COBL: variants seen among roughly 807,000 people sequenced by gnomAD.
The protein encoded by COBL is cordon-bleu WH2 repeat protein, also known as protein cordon-bleu.
In COBL, 51 loss-of-function variants were observed where a neutral mutation model predicts 98.8. The observed-to-expected ratio is 0.52, with a 90% CI of 0.41 to 0.65. The LOEUF (loss-of-function observed/expected upper bound fraction) is 0.65, where lower values mean the gene tolerates loss of function less well. Ranked by LOEUF, COBL falls within the 30% of genes least tolerant of loss-of-function variation. COBL has a pLI of 0.00. For missense variants in COBL, 1,617 were observed against 1,617.5 expected (o/e 1.00, Z 0.01); for synonymous variants, 634 against 651.7 (o/e 0.97, Z 0.41).
chr7:51,161,799 T>A (rs1350550815), intron 5 of COBL, among the ~76,000 whole-genome samples: 1 of 152,130 alleles, frequency 6.6e-6, no homozygotes, highest in Non-Finnish European at 1.5e-5. Flanking sequence ...GCAGGGCCCA[T>A]AAAAGGCCAG....
At chr7:51,175,972 T>C (rs2129046758) in intron 5 of COBL, among the ~76,000 whole-genome samples, 1 of 152,340 alleles carries the variant, frequency 6.6e-6, no homozygotes, top group East Asian at 1.9e-4. Context: ...TGTTTTCCTG[T>C]CTTTCCCACT....
At position 51,030,907 on chromosome 7, in the gene COBL, G is replaced by T. The variant is rs778186463; in HGVS notation, c.1409C>A (p.Thr470Asn). 6.3e-7 allele frequency: 1 copy of T among 1,598,418 alleles called. No homozygotes were observed. Among genetic ancestry groups the T allele is most frequent in the Non-Finnish European group, 8.6e-7 (1 of 1,166,236 alleles). ...KNGSENSHLR[T>N]EKAVTASNDE... is the part of the protein sequence containing the mutation. ...ATTTGAGGCTGTGACAGCTTTTTCA[G>T]TTCTAGGGAAGACCAAAGAGAAAGG... The change falls in exon 9 of 13, where the codon ACT (threonine) becomes AAT (asparagine). Residue 470 changes from threonine to asparagine, a missense_variant and splice_region_variant. Physicochemically the swap from Thr to Asn is moderately conservative, Grantham distance 65. Transcript: ENST00000265136.
intron 1 of COBL, among the ~76,000 whole-genome samples, chr7:51,251,800 T>G (rs796150271): frequency 7.9e-5 from 12 of 152,326 alleles, no homozygotes; most frequent in African/African-American, 2.6e-4. Context: ...ATTGGTACAA[T>G]GAACTACCCT....
chr7:51,308,581 G>T (rs145637829), intron 1 of COBL, among the ~76,000 whole-genome samples: 20 of 152,234 alleles, frequency 1.3e-4, no homozygotes, highest in Admixed American at 7.2e-4. Context: ...CTTAAGCCAC[G>T]CAGAGCACTT....
intron 6 of COBL, among the ~76,000 whole-genome samples, chr7:51,117,681 A>C: frequency 6.6e-6 from 1 of 152,180 alleles, no homozygotes; most frequent in Non-Finnish European, 1.5e-5. Flanking sequence ...CCAACATCTC[A>C]GTCATCTACA....
At chr7:51,220,669 G>A (rs1418499741) in intron 1 of COBL, among the ~76,000 whole-genome samples, 1 of 152,070 alleles carries the variant, frequency 6.6e-6, no homozygotes, top group Non-Finnish European at 1.5e-5. Flanking sequence ...ATTTATTTTA[G>A]GTTCAGGGGT....
At chr7:51,245,082 T>G (rs11238436) in intron 1 of COBL, among the ~76,000 whole-genome samples, 1 of 151,948 alleles carries the variant, frequency 6.6e-6, no homozygotes, top group Non-Finnish European at 1.5e-5. Context: ...AATTTCCTCA[T>G]AGCTTCCGAA....
At chr7:51,061,668 A>G (rs560842127) in intron 7 of COBL, among the ~76,000 whole-genome samples, 228 of 152,264 alleles carry the variant, frequency 1.5e-3, no homozygotes, top group Non-Finnish European at 2.4e-3. Context: ...AGTAAGGAAG[A>G]TGTGCCCTTA....
intron 1 of COBL, among the ~76,000 whole-genome samples, chr7:51,288,442 G>A (rs1251642450): frequency 4.0e-5 from 5 of 125,974 alleles, no homozygotes; most frequent in Non-Finnish European, 5.1e-5. Flanking sequence ...AAAAAAGAAA[G>A]AAAGAAAAAA....
chr7:51,210,677 G>A (rs933925169), intron 2 of COBL, among the ~76,000 whole-genome samples: 2 of 152,188 alleles, frequency 1.3e-5, no homozygotes, highest in Admixed American at 1.3e-4. Flanking sequence ...GTTTCCTGCA[G>A]GGTTTGAAAC....
intron 6 of COBL, among the ~76,000 whole-genome samples, chr7:51,088,800 G>A (rs1355717863): frequency 1.3e-5 from 2 of 152,176 alleles, no homozygotes; most frequent in Admixed American, 6.5e-5. Context: ...CTGCTAGCTC[G>A]GCCATCTTCT....
At chr7:51,305,414 T>G (rs990760874) in intron 1 of COBL, among the ~76,000 whole-genome samples, 5 of 152,208 alleles carry the variant, frequency 3.3e-5, no homozygotes, top group African/African-American at 1.2e-4. Flanking sequence ...AATTTTCCTC[T>G]GAGGTTGCTG....
At chr7:51,115,127 A>G (rs1464932339) in intron 6 of COBL, among the ~76,000 whole-genome samples, 2 of 152,182 alleles carry the variant, frequency 1.3e-5, no homozygotes, top group African/African-American at 2.4e-5. Context: ...CTATAGAATC[A>G]TATTAATAAG....
chr7:51,194,683 C>T (rs185094384), intron 2 of COBL, among the ~76,000 whole-genome samples: 2 of 152,050 alleles, frequency 1.3e-5, no homozygotes, highest in South Asian at 2.1e-4. Flanking sequence ...TATCTCATTG[C>T]GGTTTTGATT....
At chr7:51,253,321 T>C (rs557893638) in intron 1 of COBL, among the ~76,000 whole-genome samples, 1 of 152,350 alleles carries the variant, frequency 6.6e-6, no homozygotes, top group African/African-American at 2.4e-5. Context: ...AATCTTTTAA[T>C]ATATTACAAT....
intron 1 of COBL, among the ~76,000 whole-genome samples, chr7:51,300,805 T>A (rs1801878335): frequency 6.6e-6 from 1 of 152,148 alleles, no homozygotes; most frequent in Admixed American, 6.5e-5. Flanking sequence ...ACCTTACTCG[T>A]TCCTGCCATT....
intron 7 of COBL, among the ~76,000 whole-genome samples, chr7:51,074,787 T>G (rs1279335545): frequency 6.6e-6 from 1 of 152,232 alleles, no homozygotes; most frequent in Non-Finnish European, 1.5e-5. Context: ...GCAGTGGTAT[T>G]TTGGTAAATG....
At chr7:51,240,588 C>T (rs948394449) in intron 1 of COBL, among the ~76,000 whole-genome samples, 8 of 151,768 alleles carry the variant, frequency 5.3e-5, no homozygotes, top group African/African-American at 1.9e-4. Context: ...CCCTTTTTGC[C>T]CAGGCTGGAG....
intron 7 of COBL, among the ~76,000 whole-genome samples, chr7:51,070,403 A>ACACACACACG (rs1218738018): frequency 5.3e-5 from 8 of 151,742 alleles, no homozygotes; most frequent in African/African-American, 1.7e-4. Context: ...ACACACACAC[A>ACACACACACG]CACACACACA....
Sources: allele counts gnomAD v4.1 joint callset (sites outside exome capture counted in the v4.1 genomes callset), GRCh38; gene constraint gnomAD v4.1.1; transcripts MANE v1.5; gene names NCBI Gene and HGNC (gene_info 2026-07-23, HGNC 2026-07-21).